Variants in QKI observed in about 807,000 individuals in gnomAD.
QKI encodes the protein QKI, KH domain containing RNA binding, also known as KH domain-containing RNA-binding protein QKI.
QKI carries 10 observed loss-of-function variants against 39.0 expected under a neutral mutation model. The ratio of observed to expected loss-of-function variants is 0.26; its 90% CI spans 0.16 to 0.43. QKI has a LOEUF of 0.43. QKI is among the 20% of genes least tolerant of loss of function. The probability of loss-of-function intolerance (pLI) is 1.00; values close to 1 mark genes in which losing one functional copy is unlikely to be tolerated. For missense variants in QKI, 218 were observed against 428.0 expected (o/e 0.51, Z 4.33); for synonymous variants, 204 against 155.4 (o/e 1.31, Z -2.33).
intron 3 of QKI, among the ~76,000 whole-genome samples, chr6:163,520,686 G>A (rs929127309): frequency 5.9e-5 from 9 of 152,140 alleles, no homozygotes; most frequent in South Asian, 2.1e-4. Context: ...TTTTTTCAAT[G>A]CTTTCAAGTT....
At chr6:163,500,167 T>C (rs970767890) in intron 3 of QKI, among the ~76,000 whole-genome samples, 4 of 152,206 alleles carry the variant, frequency 2.6e-5, no homozygotes, top group African/African-American at 9.6e-5. Context: ...GTTCATATGC[T>C]TCTCTATAGG....
intron 3 of QKI, among the ~76,000 whole-genome samples, chr6:163,513,061 T>C (rs1779580884): frequency 6.6e-6 from 1 of 152,320 alleles, no homozygotes; most frequent in African/African-American, 2.4e-5. Flanking sequence ...TATATTGTTA[T>C]ACTCTATTTT....
chr6:163,533,139 A>G (rs1047104212), intron 3 of QKI, among the ~76,000 whole-genome samples: 2 of 149,692 alleles, frequency 1.3e-5, no homozygotes, highest in Non-Finnish European at 3.0e-5. Context: ...TCTCTCTCCA[A>G]AAAAAAAAAG....
chr6:163,438,118 T>G lies in QKI; in HGVS notation c.143-17161T>G, dbSNP rs372497319. On this transcript the variant is annotated intron_variant, in intron 1 of 7. Coordinates refer to ENST00000361752, the MANE Select transcript of QKI (RefSeq NM_006775.3). ...TTGCTATGTATAGTAGATCTACATG[T>G]GAGAAGTCATTTGCAAACAGCATTT... Among the ~76,000 whole-genome samples the G allele has an allele frequency of 4.5e-4, 68 of 152,312 alleles. 1 individual carries two copies. In the South Asian group the frequency reaches 0.013, roughly 30 times the overall value.
chr6:163,477,208 G>A (rs888273942), intron 2 of QKI, among the ~76,000 whole-genome samples: 25 of 151,926 alleles, frequency 1.6e-4, no homozygotes, highest in African/African-American at 5.1e-4. Flanking sequence ...TAGAGATGGG[G>A]TTTCACCATG....
At chr6:163,440,156 A>G (rs1404261957) in intron 1 of QKI, among the ~76,000 whole-genome samples, 1 of 151,948 alleles carries the variant, frequency 6.6e-6, no homozygotes, top group African/African-American at 2.4e-5. Flanking sequence ...CTTCTTCTCT[A>G]TCTAGCTCTT....
chr6:163,479,913 C>A (rs774877819), intron 3 of QKI, among the ~76,000 whole-genome samples: 1 of 152,094 alleles, frequency 6.6e-6, no homozygotes, highest in African/African-American at 2.4e-5. Flanking sequence ...AGACAGAAAT[C>A]TATTAGAAGG....
chr6:163,451,528 C>T (rs919971133), intron 1 of QKI, among the ~76,000 whole-genome samples: 11 of 152,094 alleles, frequency 7.2e-5, no homozygotes, highest in African/African-American at 2.7e-4. Context: ...TTTAGGAGAG[C>T]AGATTTTGGT....
chr6:163,435,098 T>C (rs1249781270), intron 1 of QKI, among the ~76,000 whole-genome samples: 1 of 152,200 alleles, frequency 6.6e-6, no homozygotes, highest in African/African-American at 2.4e-5. Context: ...GAATTCACAA[T>C]AATACTGAAT....
At chr6:163,434,035 A>G (rs1469024677) in intron 1 of QKI, among the ~76,000 whole-genome samples, 1 of 152,024 alleles carries the variant, frequency 6.6e-6, no homozygotes, top group African/African-American at 2.4e-5. Context: ...TCTTAGCAAA[A>G]CCGATGTCGA....
Position 163,428,197 on chromosome 6 carries a change from A to G in QKI, c.142+12862A>G, listed in dbSNP as rs147094612. Among the ~76,000 whole-genome samples the G allele has an allele frequency of 5.7e-3, 865 of 152,330 alleles. 11 individuals are homozygous for G. Among genetic ancestry groups the G allele is most frequent in the African/African-American group, 0.019 (805 of 41,576 alleles). On this transcript the variant is annotated intron_variant, in intron 1 of 7. Coordinates refer to ENST00000361752, the MANE Select transcript of QKI (RefSeq NM_006775.3). Reference sequence around the variant, plus strand: ...TGTGAAAAAGTTGTCATAGTTCTTTAAAGAACTTGTCTTTTTAAGAGACTA... The same window carrying G: ...TGTGAAAAAGTTGTCATAGTTCTTTGAAGAACTTGTCTTTTTAAGAGACTA...
At chr6:163,440,482 A>G (rs994920680) in intron 1 of QKI, among the ~76,000 whole-genome samples, 1 of 152,228 alleles carries the variant, frequency 6.6e-6, no homozygotes, top group African/African-American at 2.4e-5. Flanking sequence ...GTGGAAAGAC[A>G]TTAGACTTCA....
chr6:163,540,047 C>CT (rs927055464), intron 4 of QKI, among the ~76,000 whole-genome samples: 20 of 147,506 alleles, frequency 1.4e-4, no homozygotes, highest in South Asian at 4.2e-4. Context: ...ACATCTTGAA[C>CT]TGTTTTTTTT....
intron 4 of QKI, 98 bp downstream of exon 4, chr6:163,535,223 G>A (rs1781118897): frequency 1.6e-6 from 2 of 1,221,784 alleles, no homozygotes; most frequent in South Asian, 5.1e-5. Context: ...GTTATTGGTT[G>A]TTAGAAATTT....
intron 6 of QKI, chr6:163,566,040 C>T: frequency 3.8e-6 from 6 of 1,583,482 alleles, no homozygotes; most frequent in Non-Finnish European, 5.2e-6. Flanking sequence ...TCTCAGCAGC[C>T]TCCGGGGGAA....
chr6:163,526,287 C>T (rs1780510382), intron 3 of QKI, among the ~76,000 whole-genome samples: 1 of 152,074 alleles, frequency 6.6e-6, no homozygotes, highest in Admixed American at 6.6e-5. Context: ...TATGTATTTT[C>T]CCCTGGTATA....
intron 3 of QKI, among the ~76,000 whole-genome samples, chr6:163,511,287 T>C (rs1261540553): frequency 6.6e-6 from 1 of 152,146 alleles, no homozygotes; most frequent in Non-Finnish European, 1.5e-5. Context: ...ACTACAATTA[T>C]CTAATTTCCT....
intron 1 of QKI, among the ~76,000 whole-genome samples, chr6:163,416,130 G>T (rs1209618893): frequency 6.6e-6 from 1 of 152,004 alleles, no homozygotes; most frequent in Non-Finnish European, 1.5e-5. Flanking sequence ...AACTTGGGCG[G>T]AGGGTTTGCT....
At chr6:163,421,342 A>G (rs1055842000) in intron 1 of QKI, among the ~76,000 whole-genome samples, 3 of 152,206 alleles carry the variant, frequency 2.0e-5, no homozygotes, top group Admixed American at 6.5e-5. Context: ...CCTTATACCA[A>G]AGGGTATCAA....
Sources: gnomAD v4.1 joint callset for allele counts (sites outside exome capture counted in the v4.1 genomes callset) on GRCh38, gnomAD v4.1.1 for gene constraint, MANE v1.5 for transcripts, NCBI Gene and HGNC (gene_info 2026-07-23, HGNC 2026-07-21) for gene names.